The following DMD variants were observed in gnomAD, a reference collection of about 807,000 sequenced individuals.
DMD encodes the protein mutant dystrophin.
DMD carries 63 observed loss-of-function variants against 330.1 expected under a neutral mutation model. The ratio of observed to expected loss-of-function variants is 0.19; its 90% CI spans 0.16 to 0.24. The LOEUF is 0.24. Among genes scored for constraint, DMD ranks in the 10% least tolerant of loss-of-function variants. The probability of loss-of-function intolerance (pLI) is 1.00; values close to 1 mark genes in which losing one functional copy is unlikely to be tolerated. For missense variants in DMD, 3,344 were observed against 2,684.1 expected, an observed-to-expected ratio of 1.25 and a Z score of -5.43; for synonymous variants, 1,223 against 959.8, an observed-to-expected ratio of 1.27 and a Z score of -5.07.
intron 29 of DMD, among the ~76,000 whole-genome samples, chrX:32,423,973 G>A (rs182722274): frequency 1.8e-5 from 2 of 111,342 alleles, no homozygotes; most frequent in East Asian, 2.8e-4. Context: ...AAAGAAAATA[G>A]CATACACATT....
chrX:32,649,188 T>A (rs1370713110), intron 9 of DMD, among the ~76,000 whole-genome samples: 1 of 109,964 alleles, frequency 9.1e-6, no homozygotes, highest in African/African-American at 3.3e-5. Flanking sequence ...TTCAGAGGCT[T>A]AATTACTGCC....
intron 7 of DMD, among the ~76,000 whole-genome samples, chrX:32,736,493 A>G (rs1409927358): frequency 9.1e-6 from 1 of 110,487 alleles, no homozygotes; most frequent in East Asian, 2.8e-4. Flanking sequence ...ATTATTCACG[A>G]TAGCAAAGAC....
intron 18 of DMD, among the ~76,000 whole-genome samples, chrX:32,511,725 T>C (rs2045360004): frequency 9.1e-6 from 1 of 110,326 alleles, no homozygotes; most frequent in Non-Finnish European, 1.9e-5. Context: ...CTTTTCTGTA[T>C]GTGTGTTTTT....
rs1010896616 is a variant in DMD, at chrX:33,156,520, A to C, written c.31+54762T>G. ...CTAGCGTGGATGATGGAAGAGTTAC[A>C]TTTAACCTTCACCATGGCAGGAAGA... On this transcript the variant is annotated intron_variant, in intron 1 of 78. Coordinates refer to ENST00000357033, the MANE Select transcript of DMD (RefSeq NM_004006.3). Among the ~76,000 whole-genome samples the C allele has an allele frequency of 4.5e-5, 5 of 112,225 alleles. No homozygotes were observed. The Admixed American group carries it at 4.7e-4, about 11-fold the overall frequency.
chrX:32,615,348 C>A (rs2057480905), intron 11 of DMD, among the ~76,000 whole-genome samples: 2 of 111,285 alleles, frequency 1.8e-5, no homozygotes, highest in Admixed American at 1.9e-4. Context: ...GTAAGCTCTA[C>A]AACCAGGTTC....
At chrX:32,021,325 T>TA (rs113723498) in intron 44 of DMD, among the ~76,000 whole-genome samples, 3,678 of 111,899 alleles carry the variant, frequency 0.033, 146 homozygotes, top group African/African-American at 0.11. Context: ...CCAGGCAAAC[T>TA]AAAACTAGCT....
intron 2 of DMD, among the ~76,000 whole-genome samples, chrX:32,869,879 T>C (rs2082810609): frequency 1.9e-5 from 2 of 106,592 alleles, no homozygotes; most frequent in South Asian, 8.5e-4. Flanking sequence ...TAGGTTTTGG[T>C]ATGACAAACC....
rs146307118 is a variant in DMD, at chrX:32,310,617, G to A, written c.5923-341C>T. On this transcript the variant is annotated intron_variant, in intron 41 of 78. Coordinates refer to ENST00000357033, the MANE Select transcript of DMD (RefSeq NM_004006.3). The stretch of plus-strand genomic sequence containing the variant: ...GCATTTAAATTTCTAATTCTAATTT[G>A]CAACTGGCATTTAAAATTCTAATTT... 3.4e-3 allele frequency among the ~76,000 whole-genome samples: 377 copies of A among 110,765 alleles called. 13 individuals carry two copies. The East Asian group carries it at 0.092, about 27-fold the overall frequency.
upstream of DMD, among the ~76,000 whole-genome samples, chrX:33,216,402 C>T (rs1400180819): frequency 2.7e-5 from 3 of 111,155 alleles, no homozygotes; most frequent in Non-Finnish European, 5.7e-5. Context: ...ACTGAGTACA[C>T]AGTGGACATA....
intron 57 of DMD, among the ~76,000 whole-genome samples, chrX:31,481,046 AT>A (rs998389835): frequency 1.8e-5 from 2 of 112,500 alleles, no homozygotes; most frequent in Non-Finnish European, 3.8e-5. Context: ...GTCATAGGAC[AT>A]AGTGCAGTAT....
chrX:31,138,676 A>AGG (rs2035623094), intron 76 of DMD, among the ~76,000 whole-genome samples: 2 of 51,438 alleles, frequency 3.9e-5, no homozygotes, highest in South Asian at 9.6e-4. Context: ...AGAGAGAGAG[A>AGG]GAGAGAGAGA....
intron 44 of DMD, among the ~76,000 whole-genome samples, chrX:32,117,247 T>A (rs1218192059): frequency 9.1e-6 from 1 of 110,486 alleles, no homozygotes; most frequent in Non-Finnish European, 1.9e-5. Flanking sequence ...GCCATCTTCA[T>A]TTGATCTCAC....
At chrX:33,315,081 A>G (rs1421178779) in intron 1 of DMD, among the ~76,000 whole-genome samples, 1 of 111,773 alleles carries the variant, frequency 8.9e-6, no homozygotes, top group Non-Finnish European at 1.9e-5. Context: ...AGCCTCCCAA[A>G]GTGCTGGGAT....
At chrX:31,959,832 T>C (rs1222029845) in intron 45 of DMD, among the ~76,000 whole-genome samples, 1 of 102,624 alleles carries the variant, frequency 9.7e-6, no homozygotes, top group Non-Finnish European at 2.0e-5. Context: ...TGGCATGATC[T>C]TGTCTCACTG....
intron 1 of DMD, among the ~76,000 whole-genome samples, chrX:33,023,509 C>A (rs12842873): frequency 0.033 from 3,698 of 111,299 alleles, 104 homozygotes; most frequent in East Asian, 0.18. Context: ...TAGTCTTTTA[C>A]GGTATTGCTG....
intron 51 of DMD, among the ~76,000 whole-genome samples, chrX:31,756,488 ACG>A (rs1491054353): frequency 6.6e-5 from 7 of 105,425 alleles, no homozygotes; most frequent in South Asian, 8.0e-4. Context: ...ACACACACAC[ACG>A]CGCATGCACG....
intron 9 of DMD, among the ~76,000 whole-genome samples, chrX:32,671,976 A>G (rs184857832): frequency 2.4e-3 from 268 of 111,820 alleles, no homozygotes; most frequent in Admixed American, 4.2e-3. Flanking sequence ...TGATAAAATG[A>G]AAAATGACAG....
intron 7 of DMD, among the ~76,000 whole-genome samples, chrX:32,758,840 G>A (rs1344591816): frequency 3.6e-5 from 4 of 111,565 alleles, no homozygotes; most frequent in Admixed American, 1.9e-4. Flanking sequence ...TCCCCTGCCT[G>A]TCTCCCAAAG....
intron 62 of DMD, among the ~76,000 whole-genome samples, chrX:31,269,775 AT>A (rs1340615905): frequency 8.9e-6 from 1 of 112,018 alleles, no homozygotes; most frequent in Non-Finnish European, 1.9e-5. Context: ...CTTTGAGGGT[AT>A]CTTTAGAGAA....
Sources: gnomAD v4.1 joint callset for allele counts (sites outside exome capture counted in the v4.1 genomes callset) on GRCh38, gnomAD v4.1.1 for gene constraint, MANE v1.5 for transcripts, NCBI Gene and HGNC (gene_info 2026-07-23, HGNC 2026-07-21) for gene names.